GRM7: variants seen among roughly 807,000 people sequenced by gnomAD.
The protein encoded by GRM7 is glutamate metabotropic receptor 7.
A neutral mutation model predicts 84.5 loss-of-function variants in GRM7; 35 were observed. The ratio of observed to expected loss-of-function variants is 0.41; its 90% CI spans 0.32 to 0.55. GRM7 has a LOEUF of 0.55. Ranked by LOEUF, GRM7 falls within the 20% of genes least tolerant of loss-of-function variation. GRM7 has a pLI of 0.19. For synonymous variants in GRM7, 487 were observed against 455.1 expected (o/e 1.07, Z -0.89); for missense variants, 1,003 against 1,194.6 (o/e 0.84, Z 2.36).
At chr3:7,214,046 C>T (rs1309154675) in intron 2 of GRM7, among the ~76,000 whole-genome samples, 2 of 151,208 alleles carry the variant, frequency 1.3e-5, no homozygotes, top group African/African-American at 2.4e-5. Flanking sequence ...GAAAAAGATA[C>T]GTTTGCCTGA....
chr3:7,298,688 A>C lies in GRM7; in HGVS notation c.741A>C (p.Gly247=), dbSNP rs150194225. ...SFTQISKEAG[G]LCIAQSVRIP... ...ATGTTTTCTTCTCTTAAACAGGTGG[A>C]CTCTGCATTGCCCAGTCCGTGAGAA... The change falls in exon 3 of 10, where the codon GGA becomes GGC. Residue 247 remains glycine (G), a synonymous_variant. Coordinates refer to ENST00000357716, the MANE Select transcript of GRM7 (RefSeq NM_000844.4). The C allele has an allele frequency of 6.2e-7, 1 of 1,612,952 alleles. No individual in the cohort carries two copies. The highest frequency in any genetic ancestry group is 1.1e-5 in the South Asian group (1 of 91,038).
At chr3:7,709,328 T>A (rs1313570918) in intron 9 of GRM7, among the ~76,000 whole-genome samples, 1 of 151,398 alleles carries the variant, frequency 6.6e-6, no homozygotes, top group Non-Finnish European at 1.5e-5. Flanking sequence ...GATAGAAAAA[T>A]GGCATAGTTT....
chr3:7,267,987 C>G (rs534232622), intron 2 of GRM7, among the ~76,000 whole-genome samples: 4 of 152,028 alleles, frequency 2.6e-5, no homozygotes, highest in Admixed American at 2.6e-4. Context: ...AAGAAACGCA[C>G]CTTGCTGCTC....
At chr3:7,473,489 G>GGAGGGAGAGAGAGA (rs1553603708) in intron 7 of GRM7, among the ~76,000 whole-genome samples, 1 of 126,432 alleles carries the variant, frequency 7.9e-6, no homozygotes, top group Non-Finnish European at 1.6e-5. Context: ...AAAACGAGAG[G>GGAGGGAGAGAGAGA]GAGAGAGAGA....
chr3:7,210,666 T>C (rs1696391905), intron 2 of GRM7, among the ~76,000 whole-genome samples: 1 of 152,196 alleles, frequency 6.6e-6, no homozygotes, highest in Non-Finnish European at 1.5e-5. Flanking sequence ...TGTCAGCATC[T>C]AAGCTGATAT....
intron 9 of GRM7, among the ~76,000 whole-genome samples, chr3:7,739,434 A>G (rs1325749108): frequency 1.3e-5 from 2 of 152,228 alleles, no homozygotes; most frequent in African/African-American, 4.8e-5. Flanking sequence ...CCATCAGTAA[A>G]TGCTACACAA....
intron 8 of GRM7, among the ~76,000 whole-genome samples, chr3:7,637,299 A>G (rs1042452499): frequency 6.6e-6 from 1 of 152,210 alleles, no homozygotes; most frequent in Non-Finnish European, 1.5e-5. Flanking sequence ...ATGAGCCACC[A>G]TGCTCACTTT....
intron 2 of GRM7, among the ~76,000 whole-genome samples, chr3:7,296,800 T>C (rs1034736656): frequency 6.6e-6 from 1 of 151,622 alleles, no homozygotes; most frequent in East Asian, 1.9e-4. Flanking sequence ...ATTTTATTTA[T>C]ATTTTCAAAA....
intron 8 of GRM7, among the ~76,000 whole-genome samples, chr3:7,645,629 G>C (rs1472273173): frequency 6.7e-6 from 1 of 149,950 alleles, no homozygotes; most frequent in Non-Finnish European, 1.5e-5. Context: ...TAATTGACAA[G>C]CTAATCTCTA....
At chr3:7,039,944 G>T (rs2124939539) in intron 1 of GRM7, among the ~76,000 whole-genome samples, 1 of 152,094 alleles carries the variant, frequency 6.6e-6, no homozygotes, top group African/African-American at 2.4e-5. Flanking sequence ...GATGATTTTT[G>T]CCGAGTTCAG....
At chr3:6,931,898 A>C (rs535226273) in intron 1 of GRM7, among the ~76,000 whole-genome samples, 33 of 152,326 alleles carry the variant, frequency 2.2e-4, no homozygotes, top group African/African-American at 7.5e-4. Context: ...GACTTCCTAC[A>C]TCTCATATTC....
chr3:7,193,940 G>C lies in GRM7; in HGVS notation c.736+47272G>C, dbSNP rs141224595. ...ACCTAGAGCTGACAACAGATATCTT[G>C]ATTACTTCAAGATTAAAAATTATAA... On this transcript the variant is annotated intron_variant, in intron 2 of 9. Coordinates refer to ENST00000357716, the MANE Select transcript of GRM7 (RefSeq NM_000844.4). Among the ~76,000 whole-genome samples, 14 of 152,150 alleles carry C rather than the reference G, an allele frequency of 9.2e-5. No individual in the cohort carries two copies. In the East Asian group the frequency reaches 2.7e-3, roughly 29 times the overall value.
intron 1 of GRM7, among the ~76,000 whole-genome samples, chr3:7,066,122 G>A (rs183931846): frequency 1.1e-3 from 160 of 151,734 alleles, no homozygotes; most frequent in African/African-American, 3.6e-3. Flanking sequence ...CAAGGAACTA[G>A]AGAAATAAGA....
chr3:7,388,380 C>T (rs1230837116), intron 4 of GRM7, among the ~76,000 whole-genome samples: 2 of 152,082 alleles, frequency 1.3e-5, no homozygotes, highest in Non-Finnish European at 2.9e-5. Context: ...TTATGTTCAT[C>T]AGTGACATTG....
At chr3:7,302,270 T>C (rs1362130983) in intron 3 of GRM7, among the ~76,000 whole-genome samples, 1 of 152,118 alleles carries the variant, frequency 6.6e-6, no homozygotes, top group African/African-American at 2.4e-5. Context: ...TTGCAATAAG[T>C]TTTTTTATAC....
At chr3:6,922,594 T>C (rs972366364) in intron 1 of GRM7, among the ~76,000 whole-genome samples, 1 of 152,202 alleles carries the variant, frequency 6.6e-6, no homozygotes, top group African/African-American at 2.4e-5. Context: ...ATGATAGATA[T>C]GGGAAATACT....
chr3:7,676,139 T>A (rs943009101), intron 8 of GRM7, among the ~76,000 whole-genome samples: 1 of 152,134 alleles, frequency 6.6e-6, no homozygotes, highest in African/African-American at 2.4e-5. Flanking sequence ...CATTATACAA[T>A]AAGCATCAGG....
chr3:7,006,804 T>C (rs1404544405), intron 1 of GRM7, among the ~76,000 whole-genome samples: 1 of 152,226 alleles, frequency 6.6e-6, no homozygotes, highest in Non-Finnish European at 1.5e-5. Context: ...GTATTTCTAA[T>C]GAATTAAGTT....
intron 8 of GRM7, among the ~76,000 whole-genome samples, chr3:7,657,373 T>C (rs1699253820): frequency 6.6e-6 from 1 of 152,208 alleles, no homozygotes; most frequent in Admixed American, 6.5e-5. Context: ...CAAACCCTGA[T>C]ATGAACATCT....
Sources: allele counts gnomAD v4.1 joint callset (sites outside exome capture counted in the v4.1 genomes callset), GRCh38; gene constraint gnomAD v4.1.1; transcripts MANE v1.5; gene names NCBI Gene and HGNC (gene_info 2026-07-23, HGNC 2026-07-21).